The following TEAD1 variants were observed in gnomAD, a reference collection of about 807,000 sequenced individuals.
TEAD1 encodes the protein transcriptional enhancer factor TEF-1.
Under a neutral mutation model 54.9 loss-of-function variants are expected in TEAD1, and 9 were observed. The ratio of observed to expected loss-of-function variants is 0.16; its 90% CI spans 0.10 to 0.29. The LOEUF (loss-of-function observed/expected upper bound fraction) is 0.29. Ranked by LOEUF, TEAD1 falls within the 10% of genes least tolerant of loss-of-function variation. TEAD1 has a pLI of 1.00. For synonymous variants in TEAD1, 200 were observed against 187.8 expected (o/e 1.07, Z -0.53); for missense variants, 387 against 535.9 (o/e 0.72, Z 2.74).
At chr11:12,888,100 C>T (rs190573880) in intron 9 of TEAD1, among the ~76,000 whole-genome samples, 1 of 152,214 alleles carries the variant, frequency 6.6e-6, no homozygotes, top group Admixed American at 6.5e-5. Flanking sequence ...CTTTATTGAG[C>T]TCTGTGAGGT....
chr11:12,905,180 G>A (rs773418992), intron 10 of TEAD1, among the ~76,000 whole-genome samples: 107 of 152,270 alleles, frequency 7.0e-4, no homozygotes, highest in Admixed American at 1.2e-3. Flanking sequence ...CATAGAGTGC[G>A]CTTAGAAAGT....
intron 10 of TEAD1, among the ~76,000 whole-genome samples, chr11:12,914,914 G>A (rs919411395): frequency 1.3e-5 from 2 of 152,246 alleles, no homozygotes; most frequent in Non-Finnish European, 2.9e-5. Context: ...TGCTACCATT[G>A]GAAAAAATTG....
chr11:12,711,045 G>A (rs1328807021), intron 2 of TEAD1, among the ~76,000 whole-genome samples: 2 of 152,176 alleles, frequency 1.3e-5, no homozygotes, highest in Non-Finnish European at 1.5e-5. Context: ...CCATGTTTAG[G>A]AGCTTGGATT....
chr11:12,837,240 G>A (rs1184602934), intron 3 of TEAD1, among the ~76,000 whole-genome samples: 1 of 152,168 alleles, frequency 6.6e-6, no homozygotes, highest in Non-Finnish European at 1.5e-5. Flanking sequence ...ATGAAAAGTA[G>A]CTACTCCCCT....
chr11:12,858,954 C>T (rs1947445560), intron 3 of TEAD1, among the ~76,000 whole-genome samples: 1 of 152,168 alleles, frequency 6.6e-6, no homozygotes, highest in Non-Finnish European at 1.5e-5. Context: ...ATACTGTAGG[C>T]CATTGTAACA....
chr11:12,785,177 G>A (rs1945652678), intron 3 of TEAD1, among the ~76,000 whole-genome samples: 1 of 152,228 alleles, frequency 6.6e-6, no homozygotes, highest in Admixed American at 6.5e-5. Context: ...GGGCCTGCAT[G>A]TGCTCTGGGT....
intron 3 of TEAD1, among the ~76,000 whole-genome samples, chr11:12,790,735 G>GTCTTC (rs1945782958): frequency 6.6e-6 from 1 of 152,174 alleles, no homozygotes; most frequent in Admixed American, 6.5e-5. Flanking sequence ...TATAAAGAAG[G>GTCTTC]TGTATAAATA....
At chr11:12,901,067 C>G (rs1011749092) in intron 9 of TEAD1, among the ~76,000 whole-genome samples, 6 of 152,292 alleles carry the variant, frequency 3.9e-5, no homozygotes, top group African/African-American at 1.4e-4. Flanking sequence ...TGGCCTCTCT[C>G]AGGGATTCCA....
chr11:12,767,292 A>G (rs1945226683), intron 3 of TEAD1, among the ~76,000 whole-genome samples: 1 of 152,216 alleles, frequency 6.6e-6, no homozygotes, highest in African/African-American at 2.4e-5. Flanking sequence ...ACCAGGAGTC[A>G]GGGTTTCTTA....
At chr11:12,834,031 G>T (rs1211368809) in intron 3 of TEAD1, among the ~76,000 whole-genome samples, 1 of 152,186 alleles carries the variant, frequency 6.6e-6, no homozygotes, top group Non-Finnish European at 1.5e-5. Flanking sequence ...GTTGCATTTT[G>T]AGGAATGAGA....
chr11:12,765,793 G>C (rs1029887474), intron 3 of TEAD1, among the ~76,000 whole-genome samples: 3 of 152,202 alleles, frequency 2.0e-5, no homozygotes, highest in African/African-American at 7.2e-5. Context: ...AGCCAGGGAA[G>C]CCTCTTCGTA....
Position 12,838,681 on chromosome 11 carries a change from C to T in TEAD1, c.203-23569C>T, listed in dbSNP as rs114377760. ...ACAAGTGTTGTGGCCTTGTGCACGT[C>T]TTTTGGTTTCTTTTTGCTTTCATTT... On this transcript the variant is annotated intron_variant, in intron 3 of 12. Transcript: ENST00000527636. Among the ~76,000 whole-genome samples the T allele has an allele frequency of 9.8e-3, 1,493 of 152,228 alleles. 27 individuals are homozygous for T. The highest frequency in any genetic ancestry group is 0.034 in the African/African-American group (1,422 of 41,530).
At chr11:12,745,915 C>T (rs1234049076) in intron 2 of TEAD1, among the ~76,000 whole-genome samples, 1 of 152,214 alleles carries the variant, frequency 6.6e-6, no homozygotes, top group Non-Finnish European at 1.5e-5. Context: ...GTGGGAAACC[C>T]ATTCCACCCA....
In TEAD1 at chr11:12,937,024, T is replaced by G. The variant is rs1949114145; in HGVS notation, c.1168-85T>G. 11 of 916,720 alleles carry G rather than the reference T, an allele frequency of 1.2e-5. No individual in the cohort carries two copies. The South Asian group carries it at 1.3e-4, about 10-fold the overall frequency. 56.8% of individuals were successfully genotyped at this position (916,720 alleles called of 1,614,324 possible). A position where few individuals can be genotyped will look rare whatever the true frequency, so the allele number is the denominator to read the frequency against. ...CTCTCTTGGACTTAAGACTTGTTCT[T>G]CTCCAATTAAGTCATAGTCGTCATA... On this transcript the variant is annotated intron_variant, in intron 12 of 12. Coordinates refer to ENST00000527636, the MANE Select transcript of TEAD1 (RefSeq NM_021961.6).
At chr11:12,758,428 T>G (rs1945030829) in intron 2 of TEAD1, among the ~76,000 whole-genome samples, 1 of 144,362 alleles carries the variant, frequency 6.9e-6, no homozygotes. Flanking sequence ...TTTTTTTTTT[T>G]GAGGTGGAGT....
chr11:12,813,333 C>T (rs1946345726), intron 3 of TEAD1, among the ~76,000 whole-genome samples: 1 of 152,146 alleles, frequency 6.6e-6, no homozygotes, highest in African/African-American at 2.4e-5. Flanking sequence ...AAGAGAGCCA[C>T]CTTTAAGAGT....
At chr11:12,753,037 G>T (rs1400162934) in intron 2 of TEAD1, among the ~76,000 whole-genome samples, 1 of 150,054 alleles carries the variant, frequency 6.7e-6, no homozygotes, top group Non-Finnish European at 1.5e-5. Flanking sequence ...TAGAGATAGG[G>T]TCTCACTATG....
At position 12,719,971 on chromosome 11, in the gene TEAD1, TTTTTTTTTTTTTTTTTTTTTTTTG is replaced by T. The variant is rs1564917631; in HGVS notation, c.-54-44207_-54-44184del. On this transcript the variant is annotated intron_variant, in intron 2 of 12. Transcript: ENST00000527636. ...AATGTTTTTTTTTTTTTTTTTTTTT[TTTTTTTTTTTTTTTTTTTTTTTTG>T]GGGGGGGACCCAGCCATGCTGTGTC... 5.1e-3 allele frequency among the ~76,000 whole-genome samples: 323 copies of T among 63,612 alleles called. 18 individuals are homozygous for T. Among genetic ancestry groups the T allele is most frequent in the African/African-American group, 0.028 (193 of 6,884 alleles). The allele number at this position is 63,612 out of a possible 152,430, so 41.7% of individuals were successfully genotyped here. A position where few individuals can be genotyped will look rare whatever the true frequency, so the allele number is the denominator to read the frequency against.
intron 12 of TEAD1, 71 bp from the exon 13 acceptor site, chr11:12,937,038 A>G: frequency 9.5e-7 from 1 of 1,056,314 alleles, no homozygotes; most frequent in Non-Finnish European, 1.5e-6. Context: ...CAATTAAGTC[A>G]TAGTCGTCAT....
Sources: allele counts gnomAD v4.1 joint callset (sites outside exome capture counted in the v4.1 genomes callset), GRCh38; gene constraint gnomAD v4.1.1; transcripts MANE v1.5; gene names NCBI Gene and HGNC (gene_info 2026-07-23, HGNC 2026-07-21).